DACH2: variants seen among roughly 807,000 people sequenced by gnomAD.
DACH2 encodes dachshund family transcription factor 2.
A neutral mutation model predicts 35.8 loss-of-function variants in DACH2; 17 were observed. The ratio of observed to expected loss-of-function variants is 0.48; its 90% CI spans 0.33 to 0.71. The LOEUF is 0.71. Ranked by LOEUF, DACH2 falls within the 30% of genes least tolerant of loss-of-function variation. The pLI is 0.02. For synonymous variants in DACH2, 195 were observed against 177.3 expected (o/e 1.10, Z -0.79); for missense variants, 469 against 472.7 (o/e 0.99, Z 0.07).
At chrX:86,378,564 A>AT (rs1319308746) in intron 2 of DACH2, among the ~76,000 whole-genome samples, 4 of 110,917 alleles carry the variant, frequency 3.6e-5, no homozygotes, top group Admixed American at 9.7e-5. Flanking sequence ...GGGAATTACG[A>AT]TTTTTACATG....
At position 86,289,981 on chromosome X, in the gene DACH2, C is replaced by G. The variant is rs1361449282; in HGVS notation, c.489-86843C>G. 8.9e-5 allele frequency among the ~76,000 whole-genome samples: 9 copies of G among 101,629 alleles called. No individual in the cohort carries two copies. The East Asian group carries it at 2.9e-3, about 33-fold the overall frequency. 88.3% of individuals were successfully genotyped at this position (101,629 alleles called of 115,157 possible). ...CAAATGGTATTTCTAGTTCTAGATC[C>G]CTGAGGAATCGCCACACTGACTTCC... On this transcript the variant is annotated intron_variant, in intron 1 of 11. Transcript: ENST00000373125.
chrX:86,437,670 A>G (rs1410344267), intron 2 of DACH2, among the ~76,000 whole-genome samples: 4 of 111,014 alleles, frequency 3.6e-5, no homozygotes, highest in South Asian at 3.8e-4. Flanking sequence ...TACTTTCTTT[A>G]TCCATGCATT....
chrX:86,385,612 T>G (rs1378718118), intron 2 of DACH2, among the ~76,000 whole-genome samples: 1 of 111,349 alleles, frequency 9.0e-6, no homozygotes, highest in Non-Finnish European at 1.9e-5. Flanking sequence ...CATAAGGGAC[T>G]TGAGCATCCA....
chrX:86,536,897 C>A (rs778955050), intron 3 of DACH2, among the ~76,000 whole-genome samples: 1 of 111,139 alleles, frequency 9.0e-6, no homozygotes, highest in Non-Finnish European at 1.9e-5. Context: ...GTCTCAGATA[C>A]CTTTTGGTTT....
intron 1 of DACH2, among the ~76,000 whole-genome samples, chrX:86,333,570 G>A (rs1019850621): frequency 1.2e-4 from 13 of 111,482 alleles, no homozygotes; most frequent in African/African-American, 4.2e-4. Context: ...TAGGCAAAAA[G>A]TGCCCTTGAA....
In DACH2 at chrX:86,755,593, ATT is replaced by A. The variant is rs35672351; in HGVS notation, c.1240+15732_1240+15733del. Among the ~76,000 whole-genome samples, 560 of 77,581 alleles carry A rather than the reference ATT, an allele frequency of 7.2e-3. 2 individuals are homozygous for A. Among genetic ancestry groups the A allele is most frequent in the Non-Finnish European group, 9.0e-3 (362 of 40,185 alleles). The allele number at this position is 77,581 out of a possible 115,157, so 67.4% of individuals were successfully genotyped here. ...AAAGGCTTTAATCCGTCTTGACCTAATTTTTTTTTTTTTTTTTTTTTTGATAC... is the reference window on the plus strand; with the variant it reads ...AAAGGCTTTAATCCGTCTTGACCTAATTTTTTTTTTTTTTTTTTTTGATAC... On this transcript the variant is annotated intron_variant, in intron 7 of 11. Coordinates refer to ENST00000373125, the MANE Select transcript of DACH2 (RefSeq NM_053281.3).
At chrX:86,215,546 C>A (rs1421844296) in intron 1 of DACH2, among the ~76,000 whole-genome samples, 1 of 111,331 alleles carries the variant, frequency 9.0e-6, no homozygotes, top group African/African-American at 3.3e-5. Context: ...AAGAGCATGG[C>A]ATAAAAAGGA....
chrX:86,525,718 G>A (rs2038622163), intron 3 of DACH2, among the ~76,000 whole-genome samples: 1 of 111,365 alleles, frequency 9.0e-6, no homozygotes, highest in South Asian at 3.8e-4. Context: ...GATCACTGAT[G>A]CCTACACACT....
At chrX:86,507,160 G>A (rs775490042) in intron 2 of DACH2, among the ~76,000 whole-genome samples, 6 of 111,535 alleles carry the variant, frequency 5.4e-5, no homozygotes, top group Non-Finnish European at 1.1e-4. Flanking sequence ...GGTTAATAGT[G>A]ATCAGCTTTC....
intron 1 of DACH2, among the ~76,000 whole-genome samples, chrX:86,232,116 T>A (rs1376182189): frequency 8.9e-6 from 1 of 111,754 alleles, no homozygotes; most frequent in Non-Finnish European, 1.9e-5. Flanking sequence ...CCTGGGCATG[T>A]TGACTCTAGA....
chrX:86,413,071 T>C (rs945959040), intron 2 of DACH2, among the ~76,000 whole-genome samples: 1 of 111,561 alleles, frequency 9.0e-6, no homozygotes, highest in African/African-American at 3.3e-5. Flanking sequence ...CATACCCCAG[T>C]ACCCCTAGAA....
intron 3 of DACH2, among the ~76,000 whole-genome samples, chrX:86,568,414 T>A (rs940145673): frequency 6.3e-5 from 7 of 110,931 alleles, no homozygotes; most frequent in African/African-American, 2.0e-4. Flanking sequence ...GGATCTATAC[T>A]TTTTTTCTCA....
Position 86,775,986 on chromosome X carries a change from G to C in DACH2, c.1240+36104G>C, listed in dbSNP as rs188633159. On this transcript the variant is annotated intron_variant, in intron 7 of 11. Transcript: ENST00000373125. ...GAATTTGCCCAAGGTCACTCAGTAA[G>C]TGGTGGAAACTTAATGTGAACCTAG... Among the ~76,000 whole-genome samples the C allele has an allele frequency of 3.6e-5, 4 of 111,570 alleles. No homozygotes were observed. In the Admixed American group the frequency reaches 3.8e-4, roughly 11 times the overall value.
intron 1 of DACH2, among the ~76,000 whole-genome samples, chrX:86,183,516 G>C (rs1602262342): frequency 9.0e-6 from 1 of 111,671 alleles, no homozygotes; most frequent in Non-Finnish European, 1.9e-5. Context: ...TGCATCCCAG[G>C]GATGAAGCTG....
intron 7 of DACH2, among the ~76,000 whole-genome samples, chrX:86,792,816 A>G (rs182880155): frequency 1.4e-3 from 160 of 111,861 alleles, no homozygotes; most frequent in African/African-American, 5.0e-3. Flanking sequence ...TGCTATTGTG[A>G]ATAATGCTAC....
intron 3 of DACH2, among the ~76,000 whole-genome samples, chrX:86,538,594 T>C (rs1461699732): frequency 8.9e-6 from 1 of 111,929 alleles, no homozygotes; most frequent in Admixed American, 9.6e-5. Flanking sequence ...ATGGCAACTG[T>C]GAAGGCCTTC....
chrX:86,248,029 A>C (rs143793983), intron 1 of DACH2, among the ~76,000 whole-genome samples: 251 of 110,919 alleles, frequency 2.3e-3, no homozygotes, highest in African/African-American at 7.9e-3. Flanking sequence ...TAGGCATTAA[A>C]AAAATACCTC....
At position 86,278,085 on chromosome X, in the gene DACH2, T is replaced by C. The variant is rs986149879; in HGVS notation, c.489-98739T>C. On this transcript the variant is annotated intron_variant, in intron 1 of 11. Coordinates refer to ENST00000373125, the MANE Select transcript of DACH2 (RefSeq NM_053281.3). ...AAGCCAAACTTGCACCCAAAAAAGG[T>C]CATATGGTTACTCTTTGGTGGTCTG... Among the ~76,000 whole-genome samples the C allele has an allele frequency of 2.3e-4, 26 of 110,914 alleles. No individual in the cohort carries two copies. In the Admixed American group the frequency reaches 2.4e-3, roughly 10 times the overall value.
chrX:86,606,954 G>A (rs922639862), intron 3 of DACH2, among the ~76,000 whole-genome samples: 2 of 111,601 alleles, frequency 1.8e-5, no homozygotes, highest in Admixed American at 9.5e-5. Context: ...TAGTGACCTC[G>A]TTTGTCTATT....
Sources: gnomAD v4.1 joint callset for allele counts (sites outside exome capture counted in the v4.1 genomes callset) on GRCh38, gnomAD v4.1.1 for gene constraint, MANE v1.5 for transcripts, NCBI Gene and HGNC (gene_info 2026-07-23, HGNC 2026-07-21) for gene names.